Variants in NUDCD3 observed in about 807,000 individuals in gnomAD.
NUDCD3 encodes nudC domain-containing protein 3.
A neutral mutation model predicts 39.7 loss-of-function variants in NUDCD3; 13 were observed. The ratio of observed to expected loss-of-function variants is 0.33; its 90% confidence interval spans 0.21 to 0.52. The LOEUF (loss-of-function observed/expected upper bound fraction) is 0.52. Among genes scored for constraint, NUDCD3 ranks in the 20% least tolerant of loss-of-function variants. The pLI is 0.96. For synonymous variants in NUDCD3, 175 were observed against 172.4 expected (o/e 1.02, Z -0.12); for missense variants, 453 against 458.1 (o/e 0.99, Z 0.10).
rs1361553918 is a variant in NUDCD3 at position 44,485,264 on chromosome 7, G to A, written c.213C>T (p.His71=). The A allele has an allele frequency of 6.2e-7, 1 of 1,611,918 alleles. No homozygotes were observed. Among genetic ancestry groups the A allele is most frequent in the East Asian group, 2.2e-5 (1 of 44,834 alleles). Residue 71 remains histidine (H), a synonymous_variant, in exon 2 of 6, where the codon CAC becomes CAT. Coordinates refer to ENST00000355451, the MANE Select transcript of NUDCD3 (RefSeq NM_015332.4). ...LVLQVFKTFD[H]MARQDDEKRR... ...TCTTCTCATCATCCTGACGGGCCAT[G>A]TGGTCAAAGGTTTTGAATACCTAAA...
chr7:44,468,393 G>A (rs979136672), intron 2 of NUDCD3: 48 of 1,060,006 alleles, frequency 4.5e-5, no homozygotes, highest in Non-Finnish European at 5.8e-5. Context: ...AAGGCCCAGG[G>A]AGACGAAAGA....
At chr7:44,434,106 A>G (rs1279992440) in intron 2 of NUDCD3, among the ~76,000 whole-genome samples, 3 of 152,182 alleles carry the variant, frequency 2.0e-5, no homozygotes, top group Non-Finnish European at 2.9e-5. Context: ...TCTGAAGCCT[A>G]AAACTCATGG....
chr7:44,407,722 C>T (rs890025373), intron 3 of NUDCD3, among the ~76,000 whole-genome samples: 1 of 151,610 alleles, frequency 6.6e-6, no homozygotes, highest in Non-Finnish European at 1.5e-5. Flanking sequence ...TCTGAGAAGA[C>T]ACTATATCCA....
chr7:44,489,675 A>T (rs545238863), intron 1 of NUDCD3: 113 of 152,200 alleles, frequency 7.4e-4, no homozygotes, highest in African/African-American at 2.6e-3. Context: ...TCCATCAAAT[A>T]ATTGCCCTTA....
At chr7:44,389,457 T>A (rs1228428955) in intron 5 of NUDCD3, among the ~76,000 whole-genome samples, 2 of 152,112 alleles carry the variant, frequency 1.3e-5, no homozygotes, top group African/African-American at 4.8e-5. Flanking sequence ...GGCGGGCGGA[T>A]CACGAGGTCA....
intron 4 of NUDCD3, among the ~76,000 whole-genome samples, chr7:44,400,725 C>T (rs1156709162): frequency 1.3e-5 from 2 of 152,230 alleles, no homozygotes; most frequent in Non-Finnish European, 2.9e-5. Context: ...TCTGGTGGCT[C>T]CAGGTGTTCC....
At chr7:44,401,325 T>A (rs1798721704) in intron 4 of NUDCD3, among the ~76,000 whole-genome samples, 1 of 152,174 alleles carries the variant, frequency 6.6e-6, no homozygotes, top group South Asian at 2.1e-4. Flanking sequence ...GAGGAAACAA[T>A]GTGGGCTTAA....
intron 2 of NUDCD3, among the ~76,000 whole-genome samples, chr7:44,480,559 G>A (rs1359759921): frequency 6.6e-6 from 1 of 152,144 alleles, no homozygotes; most frequent in Non-Finnish European, 1.5e-5. Flanking sequence ...AGCAGATATA[G>A]TCAGCCCTCG....
chr7:44,470,476 A>G lies in NUDCD3; in HGVS notation c.509+14492T>C, dbSNP rs113034547. Among the ~76,000 whole-genome samples, 647 of 152,298 alleles carry G rather than the reference A, an allele frequency of 4.2e-3. 3 individuals carry two copies. The highest frequency in any genetic ancestry group is 0.012 in the African/African-American group (491 of 41,566). The stretch of plus-strand genomic sequence containing the variant: ...CCAGGCTCGGTTTAAGGTCCCCCCA[A>G]TGTTAGCCTCTCACTCAGATGCTGC... On this transcript the variant is annotated intron_variant, in intron 2 of 5. Coordinates refer to ENST00000355451, the MANE Select transcript of NUDCD3 (RefSeq NM_015332.4).
intron 2 of NUDCD3, among the ~76,000 whole-genome samples, chr7:44,460,881 CT>C (rs1194938325): frequency 1.1e-4 from 16 of 152,144 alleles, no homozygotes; most frequent in Non-Finnish European, 2.2e-4. Context: ...GGCAAAAACG[CT>C]TTTTTGCAAA....
intron 2 of NUDCD3, among the ~76,000 whole-genome samples, chr7:44,464,606 A>T (rs1800083661): frequency 6.6e-6 from 1 of 152,110 alleles, no homozygotes; most frequent in African/African-American, 2.4e-5. Context: ...GGCATGTACC[A>T]CCAAACCCAG....
In NUDCD3 at chr7:44,397,060, A is replaced by G. The variant is rs144253902; in HGVS notation, c.787-4575T>C. Among the ~76,000 whole-genome samples the G allele has an allele frequency of 9.0e-4, 137 of 152,324 alleles. 4 individuals are homozygous for G. In the East Asian group the frequency reaches 0.015, roughly 16 times the overall value. On this transcript the variant is annotated intron_variant, in intron 4 of 5. Coordinates refer to ENST00000355451, the MANE Select transcript of NUDCD3 (RefSeq NM_015332.4). ...GGTCACATCTCCATGAGCTACTGCTACAATCAACCCACATCCCAGCAGCCC... is the reference window on the plus strand; with the variant it reads ...GGTCACATCTCCATGAGCTACTGCTGCAATCAACCCACATCCCAGCAGCCC...
intron 3 of NUDCD3, among the ~76,000 whole-genome samples, chr7:44,421,737 C>G (rs924336703): frequency 1.3e-5 from 2 of 152,120 alleles, no homozygotes; most frequent in Admixed American, 1.3e-4. Context: ...CTTTAACACC[C>G]CACTGTCAAT....
chr7:44,426,169 G>C, intron 3 of NUDCD3: 1 of 985,238 alleles, frequency 1.0e-6, no homozygotes, highest in Non-Finnish European at 1.2e-6. Context: ...GTAGTTTAAA[G>C]GGGGGTGACC....
At chr7:44,386,528 TGCGTAGAGAAAGTGCTCAA>T (rs1398912234) in intron 5 of NUDCD3, among the ~76,000 whole-genome samples, 4 of 151,992 alleles carry the variant, frequency 2.6e-5, no homozygotes, top group African/African-American at 7.3e-5. Flanking sequence ...GTAGAGAAGG[TGCGTAGAGAAAGTGCTCAA>T]GCCCCACCTG....
rs141964517 is a variant in NUDCD3 at position 44,490,499 on chromosome 7, G to A, written c.102C>T (p.Leu34=). Residue 34 remains leucine, a synonymous_variant, in exon 1 of 6, where the codon CTC becomes CTT. Transcript: ENST00000355451. ...AGCGATAGAAGTCTGTCTTGCGGTA[G>A]AGGAAGCCAAAGAGAACGCGCAGGA... The part of the protein sequence containing the change: ...QDFLRVLFGF[L]YRKTDFYRLL... The A allele has an allele frequency of 8.8e-4, 1,412 of 1,610,582 alleles. 11 individuals carry two copies. The African/African-American group carries it at 0.015, about 17-fold the overall frequency.
At chr7:44,412,328 A>T (rs1484871614) in intron 3 of NUDCD3, among the ~76,000 whole-genome samples, 1 of 152,244 alleles carries the variant, frequency 6.6e-6, no homozygotes, top group Non-Finnish European at 1.5e-5. Context: ...ATTCACATAC[A>T]ACTTGTAACA....
intron 2 of NUDCD3, among the ~76,000 whole-genome samples, chr7:44,445,898 G>A (rs1412309981): frequency 6.6e-6 from 1 of 152,200 alleles, no homozygotes; most frequent in Non-Finnish European, 1.5e-5. Context: ...ACAGACTCTG[G>A]AGTCAAAAAT....
chr7:44,446,567 G>C (rs1349233667), intron 2 of NUDCD3, among the ~76,000 whole-genome samples: 1 of 152,178 alleles, frequency 6.6e-6, no homozygotes, highest in Non-Finnish European at 1.5e-5. Context: ...TCTGAGGGTG[G>C]CTGGATGGCT....
Sources: gnomAD v4.1 joint callset for allele counts (sites outside exome capture counted in the v4.1 genomes callset) on GRCh38, gnomAD v4.1.1 for gene constraint, MANE v1.5 for transcripts, NCBI Gene and HGNC (gene_info 2026-07-23, HGNC 2026-07-21) for gene names.